The following ADGRL2 variants were observed in gnomAD, a reference collection of about 807,000 sequenced individuals.
The protein encoded by ADGRL2 is calcium-independent alpha-latrotoxin receptor 2.
Under a neutral mutation model 157.4 loss-of-function variants are expected in ADGRL2, and 44 were observed. The observed-to-expected ratio is 0.28, with a 90% CI of 0.22 to 0.36. The LOEUF is 0.36. ADGRL2 is among the 10% of genes least tolerant of loss of function. ADGRL2 has a pLI of 1.00. For synonymous variants in ADGRL2, 585 were observed against 624.7 expected, an observed-to-expected ratio of 0.94 and a Z score of 0.95; for missense variants, 1,510 against 1,768.9, an observed-to-expected ratio of 0.85 and a Z score of 2.63.
chr1:81,770,335 G>C (rs2086309238), intron 2 of ADGRL2, among the ~76,000 whole-genome samples: 3 of 150,334 alleles, frequency 2.0e-5, no homozygotes, highest in African/African-American at 7.3e-5. Flanking sequence ...GCTAATTTTT[G>C]TATTTTTCAT....
chr1:81,664,138 G>A (rs544646175), intron 3 of ADGRL2, among the ~76,000 whole-genome samples: 22 of 151,744 alleles, frequency 1.4e-4, no homozygotes, highest in Admixed American at 3.9e-4. Flanking sequence ...ATCCAGATCC[G>A]GAAAATCTTT....
Position 81,970,348 on chromosome 1 carries a change from T to A in ADGRL2, c.2768T>A (p.Phe923Tyr). 1 of 1,601,358 alleles carries A rather than the reference T, an allele frequency of 6.2e-7. No individual in the cohort carries two copies. Among genetic ancestry groups the A allele is most frequent in the Non-Finnish European group, 8.5e-7 (1 of 1,176,598 alleles). The change falls in exon 16 of 24, where the codon TTT becomes TAT. Residue 923 changes from phenylalanine (F) to tyrosine (Y), a missense_variant. This residue lies in a region of ADGRL2 where 497 missense variants were observed against 627.2 expected (regional missense o/e 0.79). Transcript: ENST00000686636. Reference protein sequence around the residue: ...ACPIFAGLLHFFFLAAFAWMC... With the variant: ...ACPIFAGLLHYFFLAAFAWMC... ...CCAATATTTGCAGGACTTCTACACT[T>A]TTTCTTTTTGGCAGCTTTTGCTTGG... is the stretch of plus-strand genomic sequence containing the variant.
chr1:81,718,166 C>T (rs367779751), intron 1 of ADGRL2, among the ~76,000 whole-genome samples: 3 of 152,182 alleles, frequency 2.0e-5, no homozygotes, highest in South Asian at 2.1e-4. Flanking sequence ...ACCACAGGCA[C>T]GCGCCACCAT....
intron 1 of ADGRL2, among the ~76,000 whole-genome samples, chr1:81,363,410 A>G (rs1288842725): frequency 6.6e-6 from 1 of 152,084 alleles, no homozygotes; most frequent in Non-Finnish European, 1.5e-5. Flanking sequence ...AATTTTCCAT[A>G]AAGTTTGACA....
At chr1:81,850,843 A>C (rs1295290748) in intron 2 of ADGRL2, among the ~76,000 whole-genome samples, 1 of 150,606 alleles carries the variant, frequency 6.6e-6, no homozygotes, top group East Asian at 2.0e-4. Flanking sequence ...TTACCTCTTT[A>C]CACCTCCTTT....
At chr1:81,708,263 T>C (rs1346213451) in intron 1 of ADGRL2, among the ~76,000 whole-genome samples, 1 of 152,188 alleles carries the variant, frequency 6.6e-6, no homozygotes. Context: ...GCTTACTAAA[T>C]TTTTTAAAAA....
chr1:81,408,491 G>A (rs1347264634), intron 1 of ADGRL2, among the ~76,000 whole-genome samples: 1 of 136,716 alleles, frequency 7.3e-6, no homozygotes, highest in Non-Finnish European at 1.6e-5. Flanking sequence ...CCTAACATTA[G>A]CGTACAAACC....
Position 81,434,042 on chromosome 1 carries a change from A to C in ADGRL2, c.-301-10994A>C, listed in dbSNP as rs571470354. Among the ~76,000 whole-genome samples, 3 of 152,296 alleles carry C rather than the reference A, an allele frequency of 2.0e-5. No individual in the cohort carries two copies. The South Asian group carries it at 6.2e-4, about 32-fold the overall frequency. On this transcript the variant is annotated intron_variant, in intron 1 of 24. Coordinates refer to the ADGRL2 transcript ENST00000370721. ...TCCAAAAGAACAAGGCAATGTTGCC[A>C]GTTCATTTAAAGGCTAAGCCAGGAC...
intron 2 of ADGRL2, among the ~76,000 whole-genome samples, chr1:81,900,859 G>A (rs985150929): frequency 9.2e-5 from 14 of 151,872 alleles, no homozygotes; most frequent in Non-Finnish European, 1.9e-4. Context: ...CCCAGTCATT[G>A]GCTGACCACT....
chr1:81,801,411 GTC>G (rs140144868), intron 1 of ADGRL2, among the ~76,000 whole-genome samples: 2 of 151,780 alleles, frequency 1.3e-5, no homozygotes, highest in African/African-American at 4.8e-5. Context: ...GCATTCCCCC[GTC>G]TCTCTCTCTC....
intron 3 of ADGRL2, among the ~76,000 whole-genome samples, chr1:81,623,030 T>G (rs1173083874): frequency 2.0e-5 from 3 of 152,228 alleles, no homozygotes; most frequent in Admixed American, 2.0e-4. Flanking sequence ...TTTTAATGAA[T>G]ATCACCTAGT....
chr1:81,925,511 A>G (rs960988338), intron 3 of ADGRL2, among the ~76,000 whole-genome samples: 10 of 151,884 alleles, frequency 6.6e-5, no homozygotes, highest in African/African-American at 2.4e-4. Flanking sequence ...GGAAAGATCC[A>G]TAATTCGTTT....
At chr1:81,507,159 G>C (rs1046920586) in intron 2 of ADGRL2, among the ~76,000 whole-genome samples, 2 of 152,046 alleles carry the variant, frequency 1.3e-5, no homozygotes, top group East Asian at 3.9e-4. Context: ...TTCTCTGATA[G>C]GATGCTACTT....
intron 2 of ADGRL2, among the ~76,000 whole-genome samples, chr1:81,454,654 G>C (rs1453307045): frequency 6.6e-6 from 1 of 152,094 alleles, no homozygotes; most frequent in Non-Finnish European, 1.5e-5. Context: ...AAAAACACCT[G>C]GTGGGAGCAA....
intron 2 of ADGRL2, among the ~76,000 whole-genome samples, chr1:81,853,659 G>C (rs934205875): frequency 1.3e-5 from 2 of 152,148 alleles, no homozygotes; most frequent in Non-Finnish European, 2.9e-5. Context: ...AGCAAATAAA[G>C]TATTAATAAA....
chr1:81,510,901 A>T (rs1284861488), intron 2 of ADGRL2, among the ~76,000 whole-genome samples: 1 of 152,214 alleles, frequency 6.6e-6, no homozygotes. Context: ...GTGAGTATAT[A>T]CAAGTTCGCA....
At chr1:81,624,558 C>G (rs546747372) in intron 3 of ADGRL2, among the ~76,000 whole-genome samples, 1 of 148,206 alleles carries the variant, frequency 6.7e-6, no homozygotes, top group Non-Finnish European at 1.5e-5. Flanking sequence ...CCACCCCCCC[C>G]AAAAATAAAA....
intron 2 of ADGRL2, among the ~76,000 whole-genome samples, chr1:81,783,748 T>C (rs1265049264): frequency 6.6e-6 from 1 of 152,182 alleles, no homozygotes; most frequent in Non-Finnish European, 1.5e-5. Context: ...GGAAGTAAGA[T>C]AGAATATTCA....
At chr1:81,938,584 T>C (rs1445488791) in intron 4 of ADGRL2, among the ~76,000 whole-genome samples, 1 of 151,704 alleles carries the variant, frequency 6.6e-6, no homozygotes, top group African/African-American at 2.4e-5. Context: ...TTTTGTCTTT[T>C]AATTTAAAAA....
Sources: allele counts gnomAD v4.1 joint callset (sites outside exome capture counted in the v4.1 genomes callset), GRCh38; gene constraint gnomAD v4.1.1; regional missense constraint gnomAD v4.1.1; transcripts MANE v1.5; gene names NCBI Gene and HGNC (gene_info 2026-07-23, HGNC 2026-07-21).